MXRA5: variants seen among roughly 807,000 people sequenced by gnomAD.
The protein encoded by MXRA5 is matrix-remodeling-associated protein 5.
Under a neutral mutation model 112.5 loss-of-function variants are expected in MXRA5, and 41 were observed. That is an observed-to-expected ratio of 0.36 (90% CI 0.28 to 0.47). MXRA5 has a LOEUF of 0.47. MXRA5 is among the 20% of genes least tolerant of loss of function. The pLI is 0.99. For synonymous variants in MXRA5, 862 were observed against 900.8 expected (o/e 0.96, Z 0.77); for missense variants, 2,150 against 2,251.0 (o/e 0.96, Z 0.91).
rs1292125417 is a variant in MXRA5 at position 3,323,692 on chromosome X, C to T, written c.1993G>A (p.Gly665Arg). Residue 665 changes from glycine (G) to arginine (R), a missense_variant, in exon 5 of 7, where the codon GGA becomes AGA. Physicochemically the swap from Gly to Arg is moderately radical, Grantham distance 125 (BLOSUM62 -2). Coordinates refer to ENST00000217939, the MANE Select transcript of MXRA5 (RefSeq NM_015419.4). The part of the protein sequence containing the change: ...NQQGADHFTV[G>R]ITVTKKGSGL... ...GACCCTTTCTTGGTCACTGTGATTC[C>T]CACCGTAAAATGGTCTGCCCCTTGC... The T allele has an allele frequency of 7.4e-6, 9 of 1,208,361 alleles. No individual in the cohort carries two copies. Among genetic ancestry groups the T allele is most frequent in the Non-Finnish European group, 8.9e-6 (8 of 894,096 alleles).
chrX:3,320,573 A>T lies in MXRA5; in HGVS notation c.5112T>A (p.Asn1704Lys). Residue 1704 changes from asparagine to lysine, a missense_variant, in exon 5 of 7, where the codon AAT (asparagine) becomes AAA (lysine). This residue lies in a region of MXRA5 where 1,485 missense variants were observed against 1,471.6 expected (regional missense o/e 1.01). Transcript: ENST00000217939. ...GGTTTCTTGCCTCAGGGATGTTGTT[A>T]TTTCCAAACACTTTGGAGTAGCCAT... ...QFNGYSKVFG[N>K]NNIPEARNPV... is the part of the protein sequence containing the mutation. 1 of 1,210,235 alleles carries T rather than the reference A, an allele frequency of 8.3e-7. No individual in the cohort carries two copies. The highest frequency in any genetic ancestry group is 2.2e-5 in the Admixed American group (1 of 45,840).
In MXRA5 at chrX:3,322,228, CGTTGGGTCTCCT is replaced by C; in HGVS notation, c.3445_3456del (p.Arg1149_Asn1152del). 2 of 1,192,974 alleles carry C rather than the reference CGTTGGGTCTCCT, an allele frequency of 1.7e-6. No individual in the cohort carries two copies. Among genetic ancestry groups the C allele is most frequent in the Non-Finnish European group, 2.3e-6 (2 of 885,545 alleles). On this transcript the variant is annotated inframe_deletion, in exon 5 of 7. Transcript: ENST00000217939. ...TTGTTGGGGCGTAATCTCCTTCTCC[CGTTGGGTCTCCT>C]TCGAGAAGGGTGAGTGCTCATGGTG...
At chrX:3,316,676 T>C (rs1212393597) in intron 6 of MXRA5, among the ~76,000 whole-genome samples, 1 of 107,100 alleles carries the variant, frequency 9.3e-6, no homozygotes, top group Non-Finnish European at 1.9e-5. Flanking sequence ...CTCTAATGAA[T>C]TTATTATTAT....
intron 4 of MXRA5, among the ~76,000 whole-genome samples, chrX:3,326,116 T>C (rs1247460859): frequency 3.5e-5 from 1 of 28,964 alleles, no homozygotes; most frequent in African/African-American, 1.1e-4. Flanking sequence ...TAAATACATT[T>C]ATATATATTT....
intron 2 of MXRA5, 71 bp from the exon 3 acceptor site, chrX:3,330,844 A>G: frequency 1.3e-6 from 1 of 787,039 alleles, no homozygotes; most frequent in Non-Finnish European, 1.7e-6. Flanking sequence ...CTTAACTCCC[A>G]TATGGGAAAC....
At chrX:3,337,815 C>T (rs1333342390) in intron 2 of MXRA5, among the ~76,000 whole-genome samples, 1 of 111,152 alleles carries the variant, frequency 9.0e-6, no homozygotes, top group Non-Finnish European at 1.9e-5. Flanking sequence ...AGAGGAAGAG[C>T]CAGCAGGCAT....
intron 5 of MXRA5, among the ~76,000 whole-genome samples, chrX:3,319,370 C>T (rs1921235597): frequency 8.9e-6 from 1 of 112,173 alleles, no homozygotes; most frequent in African/African-American, 3.2e-5. Context: ...GGCATGAGTC[C>T]CAGCCACTTC....
rs1345553684 is a variant in MXRA5, at chrX:3,320,839, T to G, written c.4846A>C (p.Thr1616Pro). 1.7e-6 allele frequency: 2 copies of G among 1,210,125 alleles called. No homozygotes were observed. The highest frequency in any genetic ancestry group is 3.5e-5 in the African/African-American group (2 of 57,143). ...TRVPAKPILPTATVRLPEMST... is the reference protein window; with the variant it reads ...TRVPAKPILPPATVRLPEMST... ...ATTTCAGGCAGCCTCACTGTTGCTG[T>G]TGGTAGGATGGGTTTGGCAGGGACT... The change falls in exon 5 of 7, where the codon ACA (threonine) becomes CCA (proline). Residue 1616 changes from threonine (T) to proline (P), a missense_variant. Transcript: ENST00000217939.
At chrX:3,335,459 A>T (rs1921764395) in intron 2 of MXRA5, among the ~76,000 whole-genome samples, 1 of 112,627 alleles carries the variant, frequency 8.9e-6, no homozygotes, top group African/African-American at 3.2e-5. Context: ...GGCCTCCCAA[A>T]GTGCTGGGAT....
Position 3,335,440 on chromosome X carries a change from G to A in MXRA5, c.189-4667C>T, listed in dbSNP as rs371274732. ...TCAAACTCCTGACCTCAGGTGATCT[G>A]CCCGCCTCGGCCTCCCAAAGTGCTG... On this transcript the variant is annotated intron_variant, in intron 2 of 6. Transcript: ENST00000217939. Among the ~76,000 whole-genome samples, 331 of 112,261 alleles carry A rather than the reference G, an allele frequency of 2.9e-3. 3 individuals carry two copies. The highest frequency in any genetic ancestry group is 0.01 in the African/African-American group (310 of 30,907).
chrX:3,334,459 T>G (rs1204379872), intron 2 of MXRA5, among the ~76,000 whole-genome samples: 1 of 111,484 alleles, frequency 9.0e-6, no homozygotes, highest in Admixed American at 9.6e-5. Context: ...CATTGCTCTG[T>G]GTCAAGGACT....
intron 1 of MXRA5, among the ~76,000 whole-genome samples, chrX:3,344,370 CTTA>C (rs1392442584): frequency 9.0e-6 from 1 of 111,635 alleles, no homozygotes; most frequent in Non-Finnish European, 1.9e-5. Context: ...TCTTGAAGAG[CTTA>C]AAGAGGTATT....
intron 2 of MXRA5, among the ~76,000 whole-genome samples, chrX:3,341,129 TATATTATA>T (rs1921929469): frequency 1.3e-4 from 7 of 53,842 alleles, no homozygotes; most frequent in African/African-American, 5.1e-4. Flanking sequence ...TTATACATAA[TATATTATA>T]TATTATACAT....
At chrX:3,335,723 C>T (rs1921770572) in intron 2 of MXRA5, among the ~76,000 whole-genome samples, 2 of 111,949 alleles carry the variant, frequency 1.8e-5, no homozygotes, top group African/African-American at 6.5e-5. Flanking sequence ...TCAGAAATGC[C>T]GACGACAGAG....
Position 3,320,740 on chromosome X carries a change from T to C in MXRA5, c.4945A>G (p.Thr1649Ala). 1.7e-6 allele frequency: 2 copies of C among 1,211,809 alleles called. No homozygotes were observed. The highest frequency in any genetic ancestry group is 3.5e-5 in the South Asian group (2 of 56,988). Residue 1649 changes from threonine to alanine, a missense_variant, in exon 5 of 7, where the codon ACT becomes GCT. By Grantham distance (58) the Thr-to-Ala change is moderately conservative (BLOSUM62 0). Transcript: ENST00000217939. ...GGCAAAGCCCCAGAAGGATATGTAG[T>C]TATTTCCGGTTTGTTGGTCCAGTGA... is the stretch of plus-strand genomic sequence containing the variant. ...PRHWTNKPEI[T>A]TYPSGALPEN...
rs753874420 is a variant in MXRA5 at position 3,309,181 on chromosome X, T to A, written c.*535A>T. Reference sequence around the variant, plus strand: ...ATGTATGTAACTCTGAATTAAAATATATATATATATCAGTCACTCTGGTTC... The same window carrying A: ...ATGTATGTAACTCTGAATTAAAATAAATATATATATCAGTCACTCTGGTTC... On this transcript the variant is annotated 3_prime_UTR_variant, in exon 7 of 7. Transcript: ENST00000217939. The A allele has an allele frequency of 9.9e-5, 11 of 111,661 alleles. No homozygotes were observed. In the South Asian group the frequency reaches 4.1e-3, roughly 42 times the overall value. 9.2% of individuals were successfully genotyped at this position (111,661 alleles called of 1,213,427 possible).
chrX:3,343,674 C>T lies in MXRA5; in HGVS notation c.160G>A (p.Ala54Thr). Reference protein sequence around the residue: ...RSLASVPAGIAKHVERINLGF... With the variant: ...RSLASVPAGITKHVERINLGF... ...AAATTGATTCTTTCCACGTGTTTAG[C>T]AATGCCAGCGGGCACGGAAGCCAGG... Residue 54 changes from alanine (A) to threonine (T), a missense_variant, in exon 2 of 7, where the codon GCT becomes ACT. Coordinates refer to ENST00000217939, the MANE Select transcript of MXRA5 (RefSeq NM_015419.4). 1 of 1,211,625 alleles carries T rather than the reference C, an allele frequency of 8.3e-7. No individual in the cohort carries two copies. The highest frequency in any genetic ancestry group is 1.1e-6 in the Non-Finnish European group (1 of 895,381).
Position 3,323,789 on chromosome X carries a change from T to G in MXRA5, c.1896A>C (p.Pro632=). 4 of 1,211,889 alleles carry G rather than the reference T, an allele frequency of 3.3e-6. No homozygotes were observed. Among genetic ancestry groups the G allele is most frequent in the Non-Finnish European group, 4.5e-6 (4 of 895,479 alleles). ...LANTSHVYML[P]NGTLSIPKVQ... Reference sequence around the variant, plus strand: ...CCTTTGGGATGGAAAGAGTTCCATTTGGCAACATGTATACATGTGATGTGT... The same window carrying G: ...CCTTTGGGATGGAAAGAGTTCCATTGGGCAACATGTATACATGTGATGTGT... Residue 632 remains proline, a synonymous_variant, in exon 5 of 7, where the codon CCA becomes CCC. Transcript: ENST00000217939.
intron 2 of MXRA5, among the ~76,000 whole-genome samples, chrX:3,339,421 C>A (rs113974941): frequency 9.1e-6 from 1 of 110,435 alleles, no homozygotes. Context: ...CCCACCACCA[C>A]GCCCAGTTAA....
Sources: allele counts gnomAD v4.1 joint callset (sites outside exome capture counted in the v4.1 genomes callset), GRCh38; gene constraint gnomAD v4.1.1; regional missense constraint gnomAD v4.1.1; transcripts MANE v1.5; gene names NCBI Gene and HGNC (gene_info 2026-07-23, HGNC 2026-07-21).